ANKRD62: variants seen among roughly 807,000 people sequenced by gnomAD.
ANKRD62 encodes the protein ankyrin repeat domain-containing protein 62.
Under a neutral mutation model 98.8 loss-of-function variants are expected in ANKRD62, and 61 were observed. The observed-to-expected ratio is 0.62, with a 90% CI of 0.50 to 0.76. The LOEUF (loss-of-function observed/expected upper bound fraction) is 0.76, where lower values mean the gene tolerates loss of function less well. Ranked by LOEUF, ANKRD62 falls within the 30% of genes least tolerant of loss-of-function variation. The pLI is 0.00. For synonymous variants in ANKRD62, 341 were observed against 367.9 expected (o/e 0.93, Z 0.84); for missense variants, 933 against 1,082.9 (o/e 0.86, Z 1.94).
rs774204836 is a variant in ANKRD62 at position 12,095,551 on chromosome 18, A to G, written c.448A>G (p.Asn150Asp). ...TALHYAIDNE[N>D]ISMARKLLAY... is the part of the protein sequence containing the mutation. Reference sequence around the variant, plus strand: ...TCTGCACTATGCCATTGATAATGAGAATATATCAATGGCAAGAAAACTGCT... The same window carrying G: ...TCTGCACTATGCCATTGATAATGAGGATATATCAATGGCAAGAAAACTGCT... The change falls in exon 3 of 14, where the codon AAT becomes GAT. Residue 150 changes from asparagine (N) to aspartate (D), a missense_variant. Asn to Asp is a conservative substitution (Grantham distance 23). This residue lies in a region of ANKRD62 where 549 missense variants were observed against 587.9 expected (regional missense o/e 0.93). Transcript: ENST00000587848. 3.2e-6 allele frequency: 5 copies of G among 1,547,378 alleles called. No homozygotes were observed. The African/African-American group carries it at 5.4e-5, about 17-fold the overall frequency.
intron 8 of ANKRD62, among the ~76,000 whole-genome samples, chr18:12,111,884 A>G (rs1909547261): frequency 6.6e-6 from 1 of 152,102 alleles, no homozygotes. Context: ...GAGAACTACA[A>G]AACACTGCTC....
the ANKRD62 span, among the ~76,000 whole-genome samples, chr18:12,172,958 A>G: frequency 6.6e-6 from 1 of 152,190 alleles, no homozygotes; most frequent in East Asian, 1.9e-4. Flanking sequence ...CCATAGGAAA[A>G]GCGCAGTATT....
chr18:12,118,684 G>A (rs947115791), intron 10 of ANKRD62, among the ~76,000 whole-genome samples: 26 of 151,688 alleles, frequency 1.7e-4, no homozygotes, highest in Non-Finnish European at 3.2e-4. Flanking sequence ...TGCATGTATG[G>A]TTCCTTCATG....
At chr18:12,124,807 C>T (rs1733635919) in intron 12 of ANKRD62, among the ~76,000 whole-genome samples, 1 of 152,158 alleles carries the variant, frequency 6.6e-6, no homozygotes, top group Non-Finnish European at 1.5e-5. Flanking sequence ...GAAGCAGAGT[C>T]AGAGAACCTA....
chr18:12,141,417 G>A, the ANKRD62 span, among the ~76,000 whole-genome samples: 184 of 152,288 alleles, frequency 1.2e-3, 1 homozygote, highest in African/African-American at 4.2e-3. Flanking sequence ...AAAATCACCC[G>A]TCTTCTGTGT....
At chr18:12,119,113 G>T (rs558380525) in intron 10 of ANKRD62, among the ~76,000 whole-genome samples, 2 of 151,918 alleles carry the variant, frequency 1.3e-5, no homozygotes, top group Admixed American at 1.3e-4. Context: ...TTAAGATTTA[G>T]TAATTTTCCC....
Position 12,125,979 on chromosome 18 carries a change from C to T in ANKRD62, c.2158C>T (p.Leu720Phe), listed in dbSNP as rs1316566536. ...TACATCCAGTGGCCTGGAAACTGAG[C>T]TCCATTATGAAAGAGAGGCTCTCAA... ...ESTSSGLETE[L>F]HYEREALKEK... The change falls in exon 13 of 14, where the codon CTC becomes TTC. Residue 720 changes from leucine to phenylalanine, a missense_variant. This residue lies in a region of ANKRD62 where 362 missense variants were observed against 434.5 expected (regional missense o/e 0.83). Coordinates refer to ENST00000587848, the MANE Select transcript of ANKRD62 (RefSeq NM_001277333.2). The T allele has an allele frequency of 2.6e-6, 4 of 1,537,076 alleles. No individual in the cohort carries two copies. The highest frequency in any genetic ancestry group is 3.5e-6 in the Non-Finnish European group (4 of 1,146,900).
chr18:12,127,340 G>T (rs899194834), intron 13 of ANKRD62, among the ~76,000 whole-genome samples: 1 of 152,200 alleles, frequency 6.6e-6, no homozygotes, highest in South Asian at 2.1e-4. Flanking sequence ...GTGGAAATCT[G>T]TTGGAAGGAT....
chr18:12,095,186 G>C lies in ANKRD62; in HGVS notation c.234G>C (p.Leu78Phe). 2 of 1,536,518 alleles carry C rather than the reference G, an allele frequency of 1.3e-6. No individual in the cohort carries two copies. The highest frequency in any genetic ancestry group is 1.7e-6 in the Non-Finnish European group (2 of 1,146,822). ...ATTCTCACAGGACTGCTCTACTTTT[G>C]GCGTGTGCCCATGGCCGTCCAGGAG... ...RDKKNRTALLLACAHGRPGVV... is the reference protein window; with the variant it reads ...RDKKNRTALLFACAHGRPGVV... The change falls in exon 2 of 14, where the codon TTG becomes TTC. Residue 78 changes from leucine to phenylalanine, a missense_variant. Leu to Phe is a conservative substitution (Grantham distance 22). This residue lies in a region of ANKRD62 where 549 missense variants were observed against 587.9 expected (regional missense o/e 0.93). Coordinates refer to ENST00000587848, the MANE Select transcript of ANKRD62 (RefSeq NM_001277333.2).
At chr18:12,101,922 G>A (rs1355854597) in intron 6 of ANKRD62, 1 of 782,610 alleles carries the variant, frequency 1.3e-6, no homozygotes, top group African/African-American at 1.7e-5. Flanking sequence ...CTTATTGTGA[G>A]TTGAATGGCA....
intron 10 of ANKRD62, among the ~76,000 whole-genome samples, chr18:12,119,716 C>T (rs1196256105): frequency 2.0e-5 from 3 of 151,654 alleles, no homozygotes; most frequent in Non-Finnish European, 2.9e-5. Context: ...TTTTTTATCC[C>T]TCTGCTTGCT....
intron 6 of ANKRD62, among the ~76,000 whole-genome samples, chr18:12,101,233 A>G (rs1297837500): frequency 6.6e-6 from 1 of 152,160 alleles, no homozygotes; most frequent in Non-Finnish European, 1.5e-5. Context: ...CATAGAATAC[A>G]TTTTCACATT....
At chr18:12,162,975 T>A in the ANKRD62 span, among the ~76,000 whole-genome samples, 1 of 152,120 alleles carries the variant, frequency 6.6e-6, no homozygotes, top group Non-Finnish European at 1.5e-5. Flanking sequence ...TTCTGTTTAC[T>A]TAGGATAGCT....
chr18:12,116,779 A>C (rs920382503), intron 10 of ANKRD62, among the ~76,000 whole-genome samples: 3 of 152,208 alleles, frequency 2.0e-5, no homozygotes, highest in African/African-American at 7.2e-5. Flanking sequence ...GTCATTTAAA[A>C]ATGTCCAACG....
the ANKRD62 span, among the ~76,000 whole-genome samples, chr18:12,160,627 T>C: frequency 2.6e-5 from 4 of 152,306 alleles, no homozygotes; most frequent in South Asian, 4.1e-4. Context: ...GGCTACATTA[T>C]CATAATCCAT....
chr18:12,116,798 C>T (rs1014192758), intron 10 of ANKRD62, among the ~76,000 whole-genome samples: 3 of 152,092 alleles, frequency 2.0e-5, no homozygotes, highest in Non-Finnish European at 4.4e-5. Flanking sequence ...CGAGTGCTGG[C>T]TTGTTGGACA....
chr18:12,118,054 G>A (rs1007594879), intron 10 of ANKRD62, among the ~76,000 whole-genome samples: 1 of 152,134 alleles, frequency 6.6e-6, no homozygotes, highest in Non-Finnish European at 1.5e-5. Context: ...TAATGGATGA[G>A]CCTACATTGG....
the ANKRD62 span, among the ~76,000 whole-genome samples, chr18:12,146,459 GT>G: frequency 6.6e-6 from 1 of 152,052 alleles, no homozygotes. Context: ...GCGTGTGTGT[GT>G]TTTGAGATAG....
rs1410208125 is a variant in ANKRD62, at chr18:12,097,735, G to A, written c.710G>A (p.Gly237Glu). The change falls in exon 5 of 14, where the codon GGA becomes GAA. Residue 237 changes from glycine to glutamate, a missense_variant. Gly to Glu is a moderately conservative substitution (Grantham distance 98, BLOSUM62 -2). This residue lies in a region of ANKRD62 where 549 missense variants were observed against 587.9 expected (regional missense o/e 0.93). Transcript: ENST00000587848. The part of the protein sequence containing the change: ...NIDVFCQDIS[G>E]WTAEDYAVAS... ...GATGTCTTTTGCCAAGATATATCTG[G>A]ATGGACTGCAGAAGACTACGCTGTT... 6.5e-7 allele frequency: 1 copy of A among 1,536,030 alleles called. No homozygotes were observed. Among genetic ancestry groups the A allele is most frequent in the Non-Finnish European group, 8.7e-7 (1 of 1,146,782 alleles).
Sources: gnomAD v4.1 joint callset for allele counts (sites outside exome capture counted in the v4.1 genomes callset) on GRCh38, gnomAD v4.1.1 for gene constraint, gnomAD v4.1.1 regional missense constraint, MANE v1.5 for transcripts, NCBI Gene and HGNC (gene_info 2026-07-23, HGNC 2026-07-21) for gene names.